The following MTFR1 variants were observed in gnomAD, a reference collection of about 807,000 sequenced individuals.
MTFR1 encodes mitochondrial fission regulator 1.
A neutral mutation model predicts 38.8 loss-of-function variants in MTFR1; 28 were observed. The observed-to-expected ratio is 0.72, with a 90% CI of 0.53 to 0.99. MTFR1 has a LOEUF of 0.99. Among genes scored for constraint, MTFR1 ranks in the 50% least tolerant of loss-of-function variants. The probability of loss-of-function intolerance (pLI) is 0.00; values close to 1 mark genes in which losing one functional copy is unlikely to be tolerated. For synonymous variants in MTFR1, 145 were observed against 137.0 expected (o/e 1.06, Z -0.41); for missense variants, 358 against 395.5 (o/e 0.91, Z 0.81).
At chr8:65,663,195 C>T (rs1014871661) in intron 1 of MTFR1, among the ~76,000 whole-genome samples, 6 of 152,152 alleles carry the variant, frequency 3.9e-5, no homozygotes, top group Non-Finnish European at 7.3e-5. Context: ...AAGAAAAATT[C>T]TTCTGCCTTG....
At chr8:65,689,475 GTTA>G in intron 3 of MTFR1, 3 of 646,318 alleles carry the variant, frequency 4.6e-6, no homozygotes, top group South Asian at 3.9e-5. Flanking sequence ...GTAATTTAGT[GTTA>G]TTATTGAATT....
chr8:65,774,381 A>G (rs1304392733), downstream of MTFR1, among the ~76,000 whole-genome samples: 1 of 152,166 alleles, frequency 6.6e-6, no homozygotes, highest in Non-Finnish European at 1.5e-5. Context: ...TATAATCAGA[A>G]AGTTTAAAGA....
At chr8:65,723,424 TA>T (rs1806474356) in intron 3 of MTFR1, 1 of 1,034,388 alleles carries the variant, frequency 9.7e-7, no homozygotes, top group African/African-American at 1.7e-5. Flanking sequence ...TTTCTTAAAT[TA>T]TTTTTAAAAA....
intron 3 of MTFR1, among the ~76,000 whole-genome samples, chr8:65,690,751 A>G (rs896922496): frequency 1.3e-5 from 2 of 152,138 alleles, no homozygotes; most frequent in African/African-American, 4.8e-5. Context: ...AAGGGTCATG[A>G]TCAGATTGAT....
At chr8:65,682,579 G>A in intron 3 of MTFR1, 128 bp downstream of exon 3, 2 of 593,168 alleles carry the variant, frequency 3.4e-6, no homozygotes, top group Non-Finnish European at 4.6e-6. Context: ...CAATACAATA[G>A]AAGAGGATTA....
chr8:65,729,363 G>GTT (rs1806741828), intron 3 of MTFR1, among the ~76,000 whole-genome samples: 1 of 85,832 alleles, frequency 1.2e-5, no homozygotes, highest in Non-Finnish European at 2.2e-5. Flanking sequence ...GTTGGTGGTA[G>GTT]CTTTTTTTTT....
intron 3 of MTFR1, among the ~76,000 whole-genome samples, chr8:65,757,053 G>C (rs996632321): frequency 6.6e-6 from 1 of 152,150 alleles, no homozygotes; most frequent in Non-Finnish European, 1.5e-5. Flanking sequence ...CTATGTGGAG[G>C]CTCCCTGAAT....
intron 3 of MTFR1, among the ~76,000 whole-genome samples, chr8:65,729,844 C>A (rs1381369839): frequency 1.3e-5 from 2 of 152,120 alleles, no homozygotes; most frequent in South Asian, 2.1e-4. Context: ...GCTGGAATCA[C>A]AGGCATAAGC....
chr8:65,677,161 C>T (rs1393580954), intron 2 of MTFR1, among the ~76,000 whole-genome samples: 1 of 150,102 alleles, frequency 6.7e-6, no homozygotes, highest in Non-Finnish European at 1.5e-5. Flanking sequence ...CAACCTCCAC[C>T]TCCCGGTTCA....
chr8:65,644,381 A>C (rs564565215), upstream of MTFR1, among the ~76,000 whole-genome samples: 198 of 152,306 alleles, frequency 1.3e-3, no homozygotes, highest in Middle Eastern at 6.8e-3. Flanking sequence ...TCCACATGTT[A>C]GGTTAACAAA....
intron 1 of MTFR1, among the ~76,000 whole-genome samples, chr8:65,666,246 A>C (rs1037510857): frequency 1.3e-5 from 2 of 152,142 alleles, no homozygotes; most frequent in African/African-American, 4.8e-5. Context: ...ATCTCTACTA[A>C]AAATACAATA....
chr8:65,680,444 T>C (rs1186855606), intron 2 of MTFR1, among the ~76,000 whole-genome samples: 1 of 152,156 alleles, frequency 6.6e-6, no homozygotes, highest in African/African-American at 2.4e-5. Flanking sequence ...AGATTACAGA[T>C]GTTAGCTACT....
chr8:65,675,916 G>C (rs2129052356), intron 2 of MTFR1, among the ~76,000 whole-genome samples: 1 of 152,298 alleles, frequency 6.6e-6, no homozygotes, highest in South Asian at 2.1e-4. Context: ...ATTGCAGGAA[G>C]TGAGAATAGT....
At chr8:65,711,298 G>GTATT (rs1050457860), downstream of MTFR1, among the ~76,000 whole-genome samples, 3 of 152,102 alleles carry the variant, frequency 2.0e-5, no homozygotes, top group African/African-American at 7.2e-5. Flanking sequence ...TCTTCTTTCT[G>GTATT]TATTAGGAAT....
chr8:65,653,967 G>A (rs1385647792), intron 1 of MTFR1, among the ~76,000 whole-genome samples: 1 of 151,532 alleles, frequency 6.6e-6, no homozygotes, highest in Non-Finnish European at 1.5e-5. Flanking sequence ...GGAGGCTGAA[G>A]CAGGAGGATC....
At chr8:65,738,548 GC>G (rs1363275201) in intron 3 of MTFR1, among the ~76,000 whole-genome samples, 1 of 152,190 alleles carries the variant, frequency 6.6e-6, no homozygotes, top group African/African-American at 2.4e-5. Flanking sequence ...TTGTGCCTCA[GC>G]CTCCCGAGCA....
intron 3 of MTFR1, among the ~76,000 whole-genome samples, chr8:65,749,102 A>T (rs1461605245): frequency 6.6e-6 from 1 of 152,202 alleles, no homozygotes; most frequent in African/African-American, 2.4e-5. Context: ...CCTATCTTGA[A>T]GAGGCGGGAA....
downstream of MTFR1, among the ~76,000 whole-genome samples, chr8:65,711,766 A>G (rs1050536168): frequency 6.6e-6 from 1 of 152,180 alleles, no homozygotes; most frequent in Non-Finnish European, 1.5e-5. Context: ...TCCTTCCAAG[A>G]CTATTATTAT....
At position 65,707,945 on chromosome 8, in the gene MTFR1, T is replaced by A; in HGVS notation, c.867T>A (p.Asp289Glu). ...KKKFAYRYRS[D>E]SQDEVEKGIP... The stretch of plus-strand genomic sequence containing the variant: ...AATTTGCTTATCGGTATCGAAGTGA[T>A]AGCCAAGATGAAGTTGAAAAAGGAA... Residue 289 changes from aspartate to glutamate, a missense_variant, in exon 7 of 8, where the codon GAT becomes GAA. By Grantham distance (45) the Asp-to-Glu change is conservative. Transcript: ENST00000262146. 5.0e-6 allele frequency: 8 copies of A among 1,614,002 alleles called. No homozygotes were observed. The highest frequency in any genetic ancestry group is 6.8e-6 in the Non-Finnish European group (8 of 1,179,930).
Sources: allele counts gnomAD v4.1 joint callset (sites outside exome capture counted in the v4.1 genomes callset), GRCh38; gene constraint gnomAD v4.1.1; transcripts MANE v1.5; gene names NCBI Gene and HGNC (gene_info 2026-07-23, HGNC 2026-07-21).